Variants in PAFAH1B2 observed in about 807,000 individuals in gnomAD.
PAFAH1B2 encodes platelet activating factor acetylhydrolase 1b catalytic subunit 2, also known as platelet-activating factor acetylhydrolase IB subunit alpha2.
In PAFAH1B2, 8 loss-of-function variants were observed where a neutral mutation model predicts 28.0. The observed-to-expected ratio is 0.29, with a 90% CI of 0.17 to 0.52. The LOEUF is 0.52. PAFAH1B2 is among the 20% of genes least tolerant of loss of function. The probability of loss-of-function intolerance (pLI) is 0.97; values close to 1 mark genes in which losing one functional copy is unlikely to be tolerated. For synonymous variants in PAFAH1B2, 104 were observed against 103.2 expected, an observed-to-expected ratio of 1.01 and a Z score of -0.05; for missense variants, 190 against 282.6, an observed-to-expected ratio of 0.67 and a Z score of 2.35.
rs201278098 is a variant in PAFAH1B2, at chr11:117,157,032, C to CAA, written c.82-2897_82-2896dup. Among the ~76,000 whole-genome samples the CAA allele has an allele frequency of 9.2e-3, 620 of 67,754 alleles. 11 individuals are homozygous for CAA. The highest frequency in any genetic ancestry group is 0.031 in the African/African-American group (521 of 16,938). 44.4% of individuals were successfully genotyped at this position (67,754 alleles called of 152,430 possible). On this transcript the variant is annotated intron_variant, in intron 2 of 5. Transcript: ENST00000527958. The stretch of plus-strand genomic sequence containing the variant: ...AGAGTGAAACCCTGTCTCAAAATCT[C>CAA]AAAAAAGAAAAAAAAAAAGAAAGGT...
At chr11:117,153,368 TTA>T (rs780490635) in intron 2 of PAFAH1B2, among the ~76,000 whole-genome samples, 9 of 86,280 alleles carry the variant, frequency 1.0e-4, no homozygotes, top group Non-Finnish European at 2.8e-4. Context: ...CTATTTTGTT[TTA>T]GTTTTTTTTT....
At chr11:117,146,873 G>T (rs1956023237) in intron 1 of PAFAH1B2, among the ~76,000 whole-genome samples, 1 of 151,516 alleles carries the variant, frequency 6.6e-6, no homozygotes, top group Admixed American at 6.6e-5. Flanking sequence ...CAGCTATTCG[G>T]GAGGATCGCT....
In PAFAH1B2 at chr11:117,168,446, G is replaced by GTTTGTTTTT. The variant is rs55659804; in HGVS notation, c.*750_*751insGTTTTTTTT. 3,201 of 235,334 alleles carry GTTTGTTTTT rather than the reference G, an allele frequency of 0.014. 5 individuals carry two copies. Among genetic ancestry groups the GTTTGTTTTT allele is most frequent in the Non-Finnish European group, 0.014 (2,874 of 200,690 alleles). 14.6% of individuals were successfully genotyped at this position (235,334 alleles called of 1,614,324 possible). On this transcript the variant is annotated 3_prime_UTR_variant, in exon 6 of 6. Transcript: ENST00000527958. ...TCCCCTTCATTCCCCCCGCCACCCC[G>GTTTGTTTTT]TTTTTTTTTTTTTTTTTTTTTTTTT...
Position 117,163,819 on chromosome 11 carries a change from A to T in PAFAH1B2, c.338A>T (p.Glu113Val), listed in dbSNP as rs777066740. 6.8e-6 allele frequency: 11 copies of T among 1,614,002 alleles called. No homozygotes were observed. The highest frequency in any genetic ancestry group is 1.3e-5 in the African/African-American group (1 of 74,932). ...GTNNHENTAE[E>V]VAGGIEAIVQ... ...AATAACCACGAAAATACAGCAGAAG[A>T]AGTAGCAGGTGGGATCGAGGCCATT... The change falls in exon 5 of 6, where the codon GAA (glutamate) becomes GTA (valine). Residue 113 changes from glutamate (E) to valine (V), a missense_variant. Transcript: ENST00000527958.
chr11:117,172,371 TATATATATATATATATATATATATA>T (rs1565278654), downstream of PAFAH1B2, among the ~76,000 whole-genome samples: 23 of 2,986 alleles, frequency 7.7e-3, 1 homozygote, highest in African/African-American at 0.024. Context: ...TATATATATA[TATATATATATATATATATATATATA>T]TATATATATT....
At chr11:117,172,423 TTTTTTTA>T, downstream of PAFAH1B2, among the ~76,000 whole-genome samples, 1 of 92,768 alleles carries the variant, frequency 1.1e-5, no homozygotes, top group Non-Finnish European at 2.3e-5. Flanking sequence ...TTTTTTTTTT[TTTTTTTA>T]CATTCTGGTC....
At chr11:117,164,007 A>C in intron 5 of PAFAH1B2, 115 bp downstream of exon 5, 1 of 1,093,506 alleles carries the variant, frequency 9.1e-7, no homozygotes, top group South Asian at 1.5e-5. Flanking sequence ...GCAGTTTATC[A>C]TACTTTCGTT....
At chr11:117,152,980 C>T (rs1417093026) in intron 2 of PAFAH1B2, among the ~76,000 whole-genome samples, 1 of 151,990 alleles carries the variant, frequency 6.6e-6, no homozygotes, top group Non-Finnish European at 1.5e-5. Flanking sequence ...GCAGGAGAAT[C>T]GCTTGAACCC....
intron 1 of PAFAH1B2, among the ~76,000 whole-genome samples, chr11:117,148,297 C>G (rs944637044): frequency 3.3e-5 from 5 of 152,060 alleles, no homozygotes; most frequent in African/African-American, 1.2e-4. Context: ...AGGTGATCCT[C>G]CTGCCTCGGC....
At chr11:117,149,883 A>G (rs901491063) in intron 1 of PAFAH1B2, among the ~76,000 whole-genome samples, 1 of 152,102 alleles carries the variant, frequency 6.6e-6, no homozygotes, top group African/African-American at 2.4e-5. Flanking sequence ...GGCCGAGCTC[A>G]GGAGTTCGAG....
chr11:117,175,713 G>T (rs2029940495), downstream of PAFAH1B2: 11 of 1,135,216 alleles, frequency 9.7e-6, no homozygotes, highest in Non-Finnish European at 1.3e-5. Context: ...GATGAATTAA[G>T]TGTGAAGTAG....
chr11:117,159,649 G>C (rs550209031), intron 2 of PAFAH1B2: 2 of 312,668 alleles, frequency 6.4e-6, no homozygotes, highest in South Asian at 1.4e-4. Flanking sequence ...GTGGGAAGAT[G>C]ACTTGAGCCC....
rs562516073 is a variant in PAFAH1B2, at chr11:117,168,701, C to G, written c.*1002C>G. On this transcript the variant is annotated 3_prime_UTR_variant, in exon 6 of 6. Transcript: ENST00000527958. ...TTTTTGGGGGTGGGGGGATTCAGAA[C>G]TCTTGTTTCCCATTCCATAGCACCT... The G allele has an allele frequency of 7.6e-6, 8 of 1,059,452 alleles. No individual in the cohort carries two copies. In the Admixed American group the frequency reaches 4.3e-4, roughly 57 times the overall value. 65.6% of individuals were successfully genotyped at this position (1,059,452 alleles called of 1,614,324 possible). A position where few individuals can be genotyped will look rare whatever the true frequency, so the allele number is the denominator to read the frequency against.
At chr11:117,146,135 T>TGA in intron 1 of PAFAH1B2, among the ~76,000 whole-genome samples, 1 of 136,982 alleles carries the variant, frequency 7.3e-6, no homozygotes, top group East Asian at 2.0e-4. Context: ...TTTTTTTTTG[T>TGA]GTGTGTGACG....
In PAFAH1B2 at chr11:117,167,744, G is replaced by A; in HGVS notation, c.*45G>A. The A allele has an allele frequency of 6.9e-6, 10 of 1,451,942 alleles. No individual in the cohort carries two copies. Among genetic ancestry groups the A allele is most frequent in the Non-Finnish European group, 9.1e-6 (10 of 1,097,458 alleles). 89.9% of individuals were successfully genotyped at this position (1,451,942 alleles called of 1,614,324 possible). ...ATAGCATCTCAGCTTCCTCAGATCAGTTCTATCACTGGCACTACAGAATCC... is the reference window on the plus strand; with the variant it reads ...ATAGCATCTCAGCTTCCTCAGATCAATTCTATCACTGGCACTACAGAATCC... On this transcript the variant is annotated 3_prime_UTR_variant, in exon 6 of 6. Coordinates refer to ENST00000527958, the MANE Select transcript of PAFAH1B2 (RefSeq NM_002572.4).
intron 1 of PAFAH1B2, among the ~76,000 whole-genome samples, chr11:117,149,676 C>A (rs1194182049): frequency 6.6e-6 from 1 of 151,540 alleles, no homozygotes; most frequent in African/African-American, 2.4e-5. Context: ...TCGTGATCTG[C>A]CTGCCTCGGC....
intron 1 of PAFAH1B2, among the ~76,000 whole-genome samples, chr11:117,151,392 G>A (rs922470366): frequency 6.6e-6 from 1 of 151,868 alleles, no homozygotes; most frequent in Admixed American, 6.6e-5. Context: ...ACCATGCCCA[G>A]CTAATTTTTT....
chr11:117,163,287 A>G (rs1222330929), intron 4 of PAFAH1B2, among the ~76,000 whole-genome samples: 2 of 151,994 alleles, frequency 1.3e-5, no homozygotes, highest in South Asian at 4.2e-4. Flanking sequence ...ATGACCCTCT[A>G]TCTCTTAAAA....
chr11:117,150,459 GTT>G, intron 1 of PAFAH1B2, among the ~76,000 whole-genome samples: 1 of 143,660 alleles, frequency 7.0e-6, no homozygotes, highest in African/African-American at 2.5e-5. Flanking sequence ...CGATGATGTT[GTT>G]TTTTTTTTTT....
Sources: gnomAD v4.1 joint callset for allele counts (sites outside exome capture counted in the v4.1 genomes callset) on GRCh38, gnomAD v4.1.1 for gene constraint, MANE v1.5 for transcripts, NCBI Gene and HGNC (gene_info 2026-07-23, HGNC 2026-07-21) for gene names.